RNF150: variants seen among roughly 807,000 people sequenced by gnomAD.
RNF150 encodes the protein ring finger protein 150.
In RNF150, 24 loss-of-function variants were observed where a neutral mutation model predicts 39.3. The ratio of observed to expected loss-of-function variants is 0.61; its 90% CI spans 0.44 to 0.86. The LOEUF is 0.86. RNF150 is among the 40% of genes least tolerant of loss of function. RNF150 has a pLI of 0.00. For missense variants in RNF150, 502 were observed against 587.8 expected (o/e 0.85, Z 1.51); for synonymous variants, 255 against 227.3 (o/e 1.12, Z -1.10).
chr4:141,153,336 A>G (rs959774520), intron 1 of RNF150, among the ~76,000 whole-genome samples: 27 of 152,188 alleles, frequency 1.8e-4, no homozygotes, highest in African/African-American at 6.5e-4. Context: ...TGAGGTCATT[A>G]AGGTGGGTCT....
At chr4:141,173,943 C>A (rs116042006) in intron 1 of RNF150, among the ~76,000 whole-genome samples, 1,721 of 152,198 alleles carry the variant, frequency 0.011, 38 homozygotes, top group African/African-American at 0.038. Context: ...TAGACATTTT[C>A]TTATGATTTA....
intron 2 of RNF150, among the ~76,000 whole-genome samples, chr4:140,949,839 ACG>A (rs567408417): frequency 1.2e-4 from 18 of 152,204 alleles, no homozygotes; most frequent in Non-Finnish European, 2.2e-4. Flanking sequence ...TATAGGCATA[ACG>A]TTGGTTTAAA....
At chr4:141,048,348 C>T (rs1399355478) in intron 1 of RNF150, among the ~76,000 whole-genome samples, 2 of 152,064 alleles carry the variant, frequency 1.3e-5, no homozygotes, top group Non-Finnish European at 2.9e-5. Flanking sequence ...AGAAATGATA[C>T]AAAAATAGTG....
intron 2 of RNF150, among the ~76,000 whole-genome samples, chr4:140,959,878 G>C (rs761650109): frequency 2.6e-5 from 4 of 152,062 alleles, no homozygotes; most frequent in Non-Finnish European, 5.9e-5. Flanking sequence ...GGCCGTATTA[G>C]AGTATCTCAG....
chr4:141,145,096 A>G (rs574963077), intron 1 of RNF150, among the ~76,000 whole-genome samples: 3 of 152,290 alleles, frequency 2.0e-5, no homozygotes, highest in African/African-American at 7.2e-5. Flanking sequence ...ATTCCAGAAA[A>G]AATGAGGATT....
In RNF150 at chr4:141,174,527, A is replaced by G. The variant is rs544280236; in HGVS notation, c.-6+38267T>C. Among the ~76,000 whole-genome samples the G allele has an allele frequency of 2.6e-5, 4 of 152,288 alleles. No homozygotes were observed. In the South Asian group the frequency reaches 6.2e-4, roughly 24 times the overall value. Reference sequence around the variant, plus strand: ...ATTCTAGAATTGCAGCAAATAGCAGAACCAGATCGTGTGCTGTTGACTTGG... The same window carrying G: ...ATTCTAGAATTGCAGCAAATAGCAGGACCAGATCGTGTGCTGTTGACTTGG... On this transcript the variant is annotated intron_variant, in intron 1 of 7. Coordinates refer to the RNF150 transcript ENST00000420921.
intron 4 of RNF150, among the ~76,000 whole-genome samples, chr4:140,946,219 T>C (rs1284430558): frequency 6.6e-6 from 1 of 152,256 alleles, no homozygotes; most frequent in Non-Finnish European, 1.5e-5. Context: ...ATTTTCCTAA[T>C]GATCAATTTG....
In RNF150 at chr4:141,124,972, C is replaced by A. The variant is rs372444978; in HGVS notation, c.484+7353G>T. On this transcript the variant is annotated intron_variant, in intron 1 of 6. Coordinates refer to ENST00000515673, the MANE Select transcript of RNF150 (RefSeq NM_020724.2). ...GCATAAGCTTAAATTCTCTGACAAA[C>A]GACACTTACTTTTAGTGAAAATCTT... Among the ~76,000 whole-genome samples the A allele has an allele frequency of 1.3e-3, 201 of 152,158 alleles. 1 individual carries two copies. The highest frequency in any genetic ancestry group is 4.5e-3 in the African/African-American group (187 of 41,514).
intron 5 of RNF150, among the ~76,000 whole-genome samples, chr4:140,920,800 A>ATGAT (rs1731089836): frequency 6.6e-6 from 1 of 151,634 alleles, no homozygotes; most frequent in Admixed American, 6.6e-5. Context: ...ATGTCCAACA[A>ATGAT]TGATAGACTG....
At chr4:141,096,657 A>G (rs1344439589) in intron 1 of RNF150, among the ~76,000 whole-genome samples, 2 of 152,254 alleles carry the variant, frequency 1.3e-5, no homozygotes, top group Admixed American at 1.3e-4. Context: ...ATACCTAATG[A>G]TACTTTAATA....
intron 6 of RNF150, among the ~76,000 whole-genome samples, chr4:140,892,834 G>A (rs1729803904): frequency 6.6e-6 from 1 of 152,182 alleles, no homozygotes; most frequent in South Asian, 2.1e-4. Flanking sequence ...GCCCAAGCAG[G>A]AGGATCGCTT....
intron 1 of RNF150, among the ~76,000 whole-genome samples, chr4:141,024,329 C>A (rs1288992982): frequency 6.6e-6 from 1 of 152,076 alleles, no homozygotes; most frequent in African/African-American, 2.4e-5. Context: ...ATTTAAAAAT[C>A]TCTTCTTAAA....
upstream of RNF150, among the ~76,000 whole-genome samples, chr4:141,136,657 T>G (rs1242373262): frequency 6.6e-6 from 1 of 152,172 alleles, no homozygotes; most frequent in Non-Finnish European, 1.5e-5. Context: ...CATCCAACAA[T>G]AATTATCGAG....
chr4:141,140,926 A>C (rs1281662930), intron 1 of RNF150, among the ~76,000 whole-genome samples: 1 of 152,224 alleles, frequency 6.6e-6, no homozygotes, highest in African/African-American at 2.4e-5. Context: ...CAGGTGTCAG[A>C]GTTTTAATCC....
chr4:141,036,783 T>C (rs1654144675), intron 1 of RNF150, among the ~76,000 whole-genome samples: 1 of 152,166 alleles, frequency 6.6e-6, no homozygotes, highest in Admixed American at 6.5e-5. Context: ...ATCTGAAATA[T>C]ACTGATAATG....
At chr4:141,062,107 C>T (rs985553803) in intron 1 of RNF150, among the ~76,000 whole-genome samples, 3 of 152,094 alleles carry the variant, frequency 2.0e-5, no homozygotes, top group African/African-American at 7.2e-5. Context: ...TTTCATACTA[C>T]AGCAGAGAAA....
intron 1 of RNF150, among the ~76,000 whole-genome samples, chr4:141,062,432 A>G (rs1366959400): frequency 3.3e-5 from 5 of 152,148 alleles, no homozygotes; most frequent in Admixed American, 2.0e-4. Flanking sequence ...AAAGGTCTAC[A>G]TGCATATAAA....
chr4:140,879,657 T>C (rs1406380125), intron 6 of RNF150, among the ~76,000 whole-genome samples: 1 of 147,830 alleles, frequency 6.8e-6, no homozygotes, highest in Non-Finnish European at 1.5e-5. Flanking sequence ...ATCATGTCTC[T>C]ACAGATGAAA....
intron 1 of RNF150, among the ~76,000 whole-genome samples, chr4:141,161,898 C>T (rs893221613): frequency 6.6e-6 from 1 of 152,208 alleles, no homozygotes; most frequent in Non-Finnish European, 1.5e-5. Flanking sequence ...TATGGAAAAG[C>T]ATAGATGTCC....
Sources: gnomAD v4.1 joint callset for allele counts (sites outside exome capture counted in the v4.1 genomes callset) on GRCh38, gnomAD v4.1.1 for gene constraint, MANE v1.5 for transcripts, NCBI Gene and HGNC (gene_info 2026-07-23, HGNC 2026-07-21) for gene names.